Variants in CHD6 observed in about 807,000 individuals in gnomAD.
CHD6 encodes chromodomain helicase DNA binding protein 6, also known as ATP-dependent chromatin remodeler CHD6.
In CHD6, 50 loss-of-function variants were observed where a neutral mutation model predicts 276.9. That is an observed-to-expected ratio of 0.18 (90% confidence interval 0.14 to 0.23). The LOEUF is 0.23. Among genes scored for constraint, CHD6 ranks in the 10% least tolerant of loss-of-function variants. The pLI, the probability that CHD6 is intolerant of heterozygous loss-of-function variation, is 1.00. For missense variants in CHD6, 2,564 were observed against 3,365.8 expected (o/e 0.76, Z 5.89); for synonymous variants, 1,173 against 1,229.3 (o/e 0.95, Z 0.96).
Position 41,431,880 on chromosome 20 carries a change from C to T in CHD6, c.4068+5394G>A, listed in dbSNP as rs890552098. On this transcript the variant is annotated intron_variant, in intron 27 of 36. Coordinates refer to ENST00000373233, the MANE Select transcript of CHD6 (RefSeq NM_032221.5). ...AAAAAGGCCCTCAAAAAAAACCTTC[C>T]GGGCGCGGTGGCTCACGCCTGTAAT... is the stretch of plus-strand genomic sequence containing the variant. 5.3e-5 allele frequency among the ~76,000 whole-genome samples: 8 copies of T among 150,178 alleles called. 1 individual carries two copies. Among genetic ancestry groups the T allele is most frequent in the Admixed American group, 2.0e-4 (3 of 15,116 alleles).
intron 30 of CHD6, among the ~76,000 whole-genome samples, chr20:41,423,086 T>C (rs757313835): frequency 6.6e-6 from 1 of 152,224 alleles, no homozygotes; most frequent in East Asian, 1.9e-4. Context: ...ACTTACTTTC[T>C]ATAGTTACAA....
At chr20:41,601,055 A>T (rs2045768368) in intron 1 of CHD6, among the ~76,000 whole-genome samples, 1 of 152,214 alleles carries the variant, frequency 6.6e-6, no homozygotes, top group Non-Finnish European at 1.5e-5. Flanking sequence ...CCTTTCCAGG[A>T]ATTTTCACTT....
chr20:41,417,225 A>C lies in CHD6; in HGVS notation c.6252T>G (p.Thr2084=). The C allele has an allele frequency of 6.2e-7, 1 of 1,613,982 alleles. No homozygotes were observed. The highest frequency in any genetic ancestry group is 8.5e-7 in the Non-Finnish European group (1 of 1,180,000). ...PTIAQLLQEK[T]LYSFSEWPKD... ...TTGGCCACTCAGAGAAGGAATAGAG[A>C]GTTTTCTCCTGTAGCAGCTGAGCAA... The change falls in exon 32 of 37, where the codon ACT becomes ACG. Residue 2084 remains threonine (T), a synonymous_variant. Coordinates refer to ENST00000373233, the MANE Select transcript of CHD6 (RefSeq NM_032221.5).
intron 35 of CHD6, among the ~76,000 whole-genome samples, chr20:41,412,969 T>A (rs1281945256): frequency 6.6e-6 from 1 of 152,202 alleles, no homozygotes; most frequent in Non-Finnish European, 1.5e-5. Flanking sequence ...TGAAAAGAAT[T>A]CAAAGGAACA....
At chr20:41,437,425 C>G in intron 26 of CHD6, 91 bp from the exon 27 acceptor site, 2 of 793,696 alleles carry the variant, frequency 2.5e-6, no homozygotes, top group Admixed American at 2.6e-5. Context: ...TCCAAAAATA[C>G]TAAGATATTT....
intron 2 of CHD6, among the ~76,000 whole-genome samples, chr20:41,545,948 C>T (rs914911830): frequency 3.3e-5 from 5 of 152,216 alleles, no homozygotes; most frequent in South Asian, 4.1e-4. Flanking sequence ...CCCTTGGCCC[C>T]CATACTCTCC....
At chr20:41,483,614 C>T in intron 15 of CHD6, 95 bp from the exon 16 acceptor site, 1 of 922,406 alleles carries the variant, frequency 1.1e-6, no homozygotes, top group Non-Finnish European at 1.6e-6. Context: ...GAAGTGAATT[C>T]TTAGGTCCTA....
chr20:41,606,193 T>C (rs1223362060), intron 1 of CHD6, among the ~76,000 whole-genome samples: 1 of 151,670 alleles, frequency 6.6e-6, no homozygotes, highest in East Asian at 2.0e-4. Context: ...CTGGCCAATA[T>C]GGTGAAACCC....
At chr20:41,530,626 C>G (rs2044661364) in intron 3 of CHD6, among the ~76,000 whole-genome samples, 1 of 152,004 alleles carries the variant, frequency 6.6e-6, no homozygotes, top group African/African-American at 2.4e-5. Flanking sequence ...ATTGCTTCTG[C>G]CTACCAGTAG....
intron 1 of CHD6, among the ~76,000 whole-genome samples, chr20:41,586,176 TA>T (rs1465339577): frequency 2.0e-5 from 3 of 152,178 alleles, no homozygotes; most frequent in African/African-American, 7.2e-5. Flanking sequence ...TCACTCTTAT[TA>T]AATCTTGCAA....
intron 17 of CHD6, among the ~76,000 whole-genome samples, chr20:41,464,296 C>T (rs371197307): frequency 4.6e-5 from 7 of 151,916 alleles, no homozygotes; most frequent in African/African-American, 1.7e-4. Flanking sequence ...TGAAGCAGGT[C>T]GTGAAGAAAA....
At chr20:41,432,538 G>C (rs1211652756) in intron 27 of CHD6, among the ~76,000 whole-genome samples, 3 of 152,118 alleles carry the variant, frequency 2.0e-5, no homozygotes, top group African/African-American at 7.2e-5. Context: ...AGGGGTTAAT[G>C]GGAGCAGACT....
Position 41,436,960 on chromosome 20 carries a change from T to A in CHD6, c.4068+314A>T, listed in dbSNP as rs572594462. Among the ~76,000 whole-genome samples the A allele has an allele frequency of 2.6e-5, 4 of 152,308 alleles. No individual in the cohort carries two copies. In the South Asian group the frequency reaches 8.3e-4, roughly 32 times the overall value. On this transcript the variant is annotated intron_variant, in intron 27 of 36. Coordinates refer to ENST00000373233, the MANE Select transcript of CHD6 (RefSeq NM_032221.5). ...TATCTTGACTCTATCCATATCAGTA[T>A]CCTGGTTGTGATATTGTACTACAAT... is the stretch of plus-strand genomic sequence containing the variant.
chr20:41,425,169 G>A lies in CHD6; in HGVS notation c.4346+9C>T. 8 of 1,613,376 alleles carry A rather than the reference G, an allele frequency of 5.0e-6. No homozygotes were observed. The highest frequency in any genetic ancestry group is 6.8e-6 in the Non-Finnish European group (8 of 1,179,302). Reference sequence around the variant, plus strand: ...GGCTGAGCATGCCCCTTTGGCCACTGGCTTTTACCTCTTTTGGGCTTCCTT... The same window carrying A: ...GGCTGAGCATGCCCCTTTGGCCACTAGCTTTTACCTCTTTTGGGCTTCCTT... On this transcript the variant is annotated intron_variant, in intron 29 of 36. Coordinates refer to ENST00000373233, the MANE Select transcript of CHD6 (RefSeq NM_032221.5).
rs1569096686 is a variant in CHD6, at chr20:41,454,614, A to G, written c.3120+12T>C. 3.2e-6 allele frequency: 5 copies of G among 1,583,742 alleles called. No individual in the cohort carries two copies. Among genetic ancestry groups the G allele is most frequent in the Non-Finnish European group, 4.3e-6 (5 of 1,155,612 alleles). ...TGAATGTTCCATGGAATAAAATATT[A>G]TTTTGCTGTACCTTTTCATTCTTTG... is the stretch of plus-strand genomic sequence containing the variant. On this transcript the variant is annotated intron_variant, in intron 20 of 36. Coordinates refer to ENST00000373233, the MANE Select transcript of CHD6 (RefSeq NM_032221.5).
chr20:41,509,889 A>G lies in CHD6; in HGVS notation c.852+2957T>C, dbSNP rs139738396. 2.9e-3 allele frequency among the ~76,000 whole-genome samples: 439 copies of G among 152,328 alleles called. 2 individuals are homozygous for G. Among genetic ancestry groups the G allele is most frequent in the African/African-American group, 9.8e-3 (406 of 41,572 alleles). On this transcript the variant is annotated intron_variant, in intron 5 of 36. Coordinates refer to ENST00000373233, the MANE Select transcript of CHD6 (RefSeq NM_032221.5). ...GAGTGCAAAGCAGAGCTGTGATAAC[A>G]TGCCAGTCCTGAGCTAAAGCGAATC... is the stretch of plus-strand genomic sequence containing the variant.
rs61759474 is a variant in CHD6, at chr20:41,421,851, C to T, written c.4784G>A (p.Arg1595His). 209 of 1,613,968 alleles carry T rather than the reference C, an allele frequency of 1.3e-4. No homozygotes were observed. The highest frequency in any genetic ancestry group is 1.6e-4 in the Non-Finnish European group (193 of 1,179,998). ...LIGTAKHGLN[R>H]TDCYIMNDPQ... The stretch of plus-strand genomic sequence containing the variant: ...GTCGTTCATGATGTAACAGTCAGTG[C>T]GGTTCAGCCCATGTTTGGCAGTGCC... The change falls in exon 31 of 37, where the codon CGC becomes CAC. Residue 1595 changes from arginine (R) to histidine (H), a missense_variant. Coordinates refer to ENST00000373233, the MANE Select transcript of CHD6 (RefSeq NM_032221.5).
At chr20:41,548,539 C>T (rs570994279) in intron 2 of CHD6, among the ~76,000 whole-genome samples, 45 of 152,158 alleles carry the variant, frequency 3.0e-4, no homozygotes, top group Non-Finnish European at 5.3e-4. Context: ...ACCATAAAAA[C>T]GCTAGAAGAA....
chr20:41,433,836 GAAGT>G (rs2047620160), intron 27 of CHD6, among the ~76,000 whole-genome samples: 1 of 152,108 alleles, frequency 6.6e-6, no homozygotes, highest in African/African-American at 2.4e-5. Flanking sequence ...AACAAAAATG[GAAGT>G]AAGGTTTCCA....
Sources: gnomAD v4.1 joint callset for allele counts (sites outside exome capture counted in the v4.1 genomes callset) on GRCh38, gnomAD v4.1.1 for gene constraint, MANE v1.5 for transcripts, NCBI Gene and HGNC (gene_info 2026-07-23, HGNC 2026-07-21) for gene names.